The following KIF25 variants were observed in gnomAD, a reference collection of about 807,000 sequenced individuals.
KIF25 encodes kinesin family member 25.
A neutral mutation model predicts 32.9 loss-of-function variants in KIF25; 19 were observed. The observed-to-expected ratio is 0.58, with a 90% CI of 0.40 to 0.85. The LOEUF (loss-of-function observed/expected upper bound fraction) is 0.85, where lower values mean the gene tolerates loss of function less well. Among genes scored for constraint, KIF25 ranks in the 40% least tolerant of loss-of-function variants. KIF25 has a pLI of 0.00. For missense variants in KIF25, 485 were observed against 507.0 expected (o/e 0.96, Z 0.42); for synonymous variants, 225 against 213.7 (o/e 1.05, Z -0.46).
chr6:168,019,943 G>T (rs572450259), intron 5 of KIF25, among the ~76,000 whole-genome samples: 1 of 152,238 alleles, frequency 6.6e-6, no homozygotes, highest in East Asian at 1.9e-4. Context: ...GACCATCCTG[G>T]CCAAATGGTG....
In KIF25 at chr6:167,998,276, C is replaced by T. The variant is rs1305306400; in HGVS notation, c.-1193C>T. The T allele has an allele frequency of 6.6e-6, 1 of 152,094 alleles. No homozygotes were observed. The highest frequency in any genetic ancestry group is 1.9e-4 in the East Asian group (1 of 5,188). 9.4% of individuals were successfully genotyped at this position (152,094 alleles called of 1,614,324 possible). A position where few individuals can be genotyped will look rare whatever the true frequency, so the allele number is the denominator to read the frequency against. On this transcript the variant is annotated 5_prime_UTR_variant, in exon 1 of 13. Coordinates refer to ENST00000643607, the MANE Select transcript of KIF25 (RefSeq NM_030615.4). The stretch of plus-strand genomic sequence containing the variant: ...AGTTTCTGAGTGTTCCACCTCAAGC[C>T]TGGTCTCCTGGTCTAGCTGAGGAGC...
chr6:168,016,078 G>A (rs3807057), intron 4 of KIF25, among the ~76,000 whole-genome samples: 30,547 of 152,072 alleles, frequency 0.2, 3,480 homozygotes, highest in East Asian at 0.27. Context: ...GAAGTGGACA[G>A]CAGAAAAATG....
chr6:168,014,801 T>C (rs952833012), intron 4 of KIF25, among the ~76,000 whole-genome samples: 1 of 152,252 alleles, frequency 6.6e-6, no homozygotes, highest in Non-Finnish European at 1.5e-5. Context: ...TCATTTAATT[T>C]ATATCCACTC....
intron 4 of KIF25, among the ~76,000 whole-genome samples, chr6:168,014,189 G>A (rs1583129480): frequency 6.6e-6 from 1 of 152,082 alleles, no homozygotes; most frequent in African/African-American, 2.4e-5. Flanking sequence ...GCCTTTCTAC[G>A]CTTCCCTGTT....
chr6:168,038,454 T>C, intron 8 of KIF25, 99 bp from the exon 9 acceptor site: 1 of 1,228,148 alleles, frequency 8.1e-7, no homozygotes, highest in Non-Finnish European at 1.2e-6. Flanking sequence ...CCAGCAGTCT[T>C]ACTGAGCATC....
At position 168,002,147 on chromosome 6, in the gene KIF25, G is replaced by C. The variant is rs796659991; in HGVS notation, c.-369-396G>C. 2.9e-5 allele frequency among the ~76,000 whole-genome samples: 2 copies of C among 69,904 alleles called. 1 individual carries two copies. Among genetic ancestry groups the C allele is most frequent in the Non-Finnish European group, 6.0e-5 (2 of 33,344 alleles). The allele number at this position is 69,904 out of a possible 152,430, so 45.9% of individuals were successfully genotyped here. On this transcript the variant is annotated intron_variant, in intron 2 of 12. Transcript: ENST00000643607. ...GCCTCGGGCAGGTGAGAAGACACCT[G>C]AGGCGTGGCCTCGGGCAGGTGAGAA...
intron 4 of KIF25, among the ~76,000 whole-genome samples, chr6:168,017,391 C>A (rs1798729764): frequency 6.6e-6 from 1 of 152,194 alleles, no homozygotes; most frequent in South Asian, 2.1e-4. Context: ...CCAGGTTCAT[C>A]TTTTCTTTGC....
Position 168,030,790 on chromosome 6 carries a change from A to T in KIF25, c.110A>T (p.Glu37Val). ...TCTCTCAGGGTTTATGGTCCAGCAG[A>T]GTCTCAGAGCGCGGTCTTTGGAGAT... ...DKDLRVYGPAESQSAVFGDVC... is the reference protein window; with the variant it reads ...DKDLRVYGPAVSQSAVFGDVC... Residue 37 changes from glutamate (E) to valine (V), a missense_variant, in exon 7 of 13, where the codon GAG becomes GTG. Coordinates refer to ENST00000643607, the MANE Select transcript of KIF25 (RefSeq NM_030615.4). The T allele has an allele frequency of 1.2e-6, 2 of 1,613,050 alleles. No individual in the cohort carries two copies. The highest frequency in any genetic ancestry group is 4.5e-5 in the East Asian group (2 of 44,752).
intron 4 of KIF25, among the ~76,000 whole-genome samples, chr6:168,017,631 G>A (rs1179098751): frequency 6.6e-6 from 1 of 152,206 alleles, no homozygotes; most frequent in East Asian, 1.9e-4. Context: ...AGTAATTTGG[G>A]TGTTGAACCC....
At chr6:168,039,669 T>G (rs1799086787) in intron 9 of KIF25, among the ~76,000 whole-genome samples, 1 of 152,268 alleles carries the variant, frequency 6.6e-6, no homozygotes, top group Non-Finnish European at 1.5e-5. Flanking sequence ...TTAAGAGCTC[T>G]GATTAGCAGT....
At chr6:168,033,284 G>T (rs989793120) in intron 7 of KIF25, among the ~76,000 whole-genome samples, 1 of 152,130 alleles carries the variant, frequency 6.6e-6, no homozygotes, top group South Asian at 2.1e-4. Flanking sequence ...AGGATCCCTT[G>T]AGTCCAGGAG....
chr6:168,027,322 A>G (rs3757366), intron 5 of KIF25, among the ~76,000 whole-genome samples: 49,281 of 151,650 alleles, frequency 0.32, 8,453 homozygotes, highest in East Asian at 0.58. Context: ...ACGTGGTGGC[A>G]CACACCTGTA....
intron 7 of KIF25, among the ~76,000 whole-genome samples, chr6:168,031,568 C>T (rs537204083): frequency 6.6e-6 from 1 of 152,354 alleles, no homozygotes; most frequent in East Asian, 1.9e-4. Context: ...ACCACGCACG[C>T]ACGCGGGGCC....
At chr6:168,007,271 G>T (rs1375054722) in intron 4 of KIF25, among the ~76,000 whole-genome samples, 2 of 152,118 alleles carry the variant, frequency 1.3e-5, no homozygotes, top group African/African-American at 2.4e-5. Flanking sequence ...AATTAGCTGG[G>T]CGTGGTGGTG....
intron 10 of KIF25, among the ~76,000 whole-genome samples, chr6:168,041,618 G>T (rs1418569856): frequency 6.6e-6 from 1 of 152,226 alleles, no homozygotes; most frequent in Non-Finnish European, 1.5e-5. Context: ...TTGTGTGGAA[G>T]ATTATCGAAC....
chr6:168,023,009 G>T (rs1268218849), intron 5 of KIF25, among the ~76,000 whole-genome samples: 3 of 152,032 alleles, frequency 2.0e-5, no homozygotes, highest in African/African-American at 7.2e-5. Context: ...AGACTCTCAG[G>T]CACGTGGAAT....
intron 5 of KIF25, among the ~76,000 whole-genome samples, chr6:168,025,885 G>A (rs536236564): frequency 6.6e-5 from 10 of 152,342 alleles, no homozygotes; most frequent in South Asian, 4.1e-4. Flanking sequence ...CAGAGTGTGC[G>A]GCCGAGTACT....
chr6:168,024,637 A>G (rs940770502), intron 5 of KIF25, among the ~76,000 whole-genome samples: 1 of 151,932 alleles, frequency 6.6e-6, no homozygotes, highest in African/African-American at 2.4e-5. Context: ...AATAGGTGAC[A>G]TAATTGGCCA....
At chr6:168,039,661 A>G (rs1332798503) in intron 9 of KIF25, among the ~76,000 whole-genome samples, 1 of 152,262 alleles carries the variant, frequency 6.6e-6, no homozygotes, top group East Asian at 1.9e-4. Flanking sequence ...CCTGCTGATT[A>G]AGAGCTCTGA....
Sources: gnomAD v4.1 joint callset for allele counts (sites outside exome capture counted in the v4.1 genomes callset) on GRCh38, gnomAD v4.1.1 for gene constraint, MANE v1.5 for transcripts, NCBI Gene and HGNC (gene_info 2026-07-23, HGNC 2026-07-21) for gene names.